The following TIMP2 variants were observed in gnomAD, a reference collection of about 807,000 sequenced individuals.
TIMP2 encodes the protein metalloproteinase inhibitor 2.
Under a neutral mutation model 24.3 loss-of-function variants are expected in TIMP2, and 5 were observed. The ratio of observed to expected loss-of-function variants is 0.21; its 90% confidence interval spans 0.11 to 0.43. The LOEUF is 0.43. Among genes scored for constraint, TIMP2 ranks in the 20% least tolerant of loss-of-function variants. The probability of loss-of-function intolerance (pLI) is 1.00; values close to 1 mark genes in which losing one functional copy is unlikely to be tolerated. For missense variants in TIMP2, 221 were observed against 297.5 expected (o/e 0.74, Z 1.89); for synonymous variants, 130 against 123.2 (o/e 1.06, Z -0.37).
In TIMP2 at chr17:78,891,121, C is replaced by T; in HGVS notation, c.131-17202G>A. The stretch of plus-strand genomic sequence containing the variant: ...ATTCAGTGCTATACAATAATGAGTC[C>T]TCTTTGTTGATAAATATACCTGCCT... On this transcript the variant is annotated intron_variant, in intron 1 of 4. Coordinates refer to ENST00000262768, the MANE Select transcript of TIMP2 (RefSeq NM_003255.5). The surrounding 1 kb of genome is among the most constrained non-coding windows in gnomAD (Gnocchi z 4.5). 1 of 1,550,736 alleles carries T rather than the reference C, an allele frequency of 6.4e-7. No homozygotes were observed.
chr17:78,914,199 A>G (rs1161966341), intron 1 of TIMP2, among the ~76,000 whole-genome samples: 1 of 152,044 alleles, frequency 6.6e-6, no homozygotes, highest in Non-Finnish European at 1.5e-5. Flanking sequence ...TTATAACCCA[A>G]TGTTTTATTG....
At chr17:78,879,194 G>A (rs1011849807) in intron 1 of TIMP2, among the ~76,000 whole-genome samples, 4 of 152,260 alleles carry the variant, frequency 2.6e-5, no homozygotes, top group Non-Finnish European at 4.4e-5. Context: ...GATGACAGAC[G>A]ATGGATAGGA....
At chr17:78,881,693 A>T (rs1477967450) in intron 1 of TIMP2, among the ~76,000 whole-genome samples, 1 of 151,860 alleles carries the variant, frequency 6.6e-6, no homozygotes, top group Non-Finnish European at 1.5e-5. Context: ...ACCTCCACTT[A>T]CTCCTGGGGA....
Position 78,855,002 on chromosome 17 carries a change from C to T in TIMP2, c.*665G>A, listed in dbSNP as rs2069514124. Reference sequence around the variant, plus strand: ...AACGCAGCTCAGCTGGGGTTTCTCGCTCCCATTTCTACAAGGCTCAGAGGG... The same window carrying T: ...AACGCAGCTCAGCTGGGGTTTCTCGTTCCCATTTCTACAAGGCTCAGAGGG... On this transcript the variant is annotated 3_prime_UTR_variant, in exon 5 of 5. Coordinates refer to ENST00000262768, the MANE Select transcript of TIMP2 (RefSeq NM_003255.5). The surrounding 1 kb of genome is among the most constrained non-coding windows in gnomAD (Gnocchi z 6.0). 1 of 152,036 alleles carries T rather than the reference C, an allele frequency of 6.6e-6. No homozygotes were observed. The highest frequency in any genetic ancestry group is 1.9e-4 in the East Asian group (1 of 5,142). The allele number at this position is 152,036 out of a possible 1,614,324, so 9.4% of individuals were successfully genotyped here.
Position 78,925,100 on chromosome 17 carries a change from G to A in TIMP2, c.-12C>T, listed in dbSNP as rs2145801174. 2.1e-6 allele frequency: 2 copies of A among 949,122 alleles called. No homozygotes were observed. Among genetic ancestry groups the A allele is most frequent in the South Asian group, 9.4e-5 (2 of 21,230 alleles). The allele number at this position is 949,122 out of a possible 1,614,324, so 58.8% of individuals were successfully genotyped here. A position where few individuals can be genotyped will look rare whatever the true frequency, so the allele number is the denominator to read the frequency against. On this transcript the variant is annotated 5_prime_UTR_variant, in exon 1 of 5. Coordinates refer to ENST00000262768, the MANE Select transcript of TIMP2 (RefSeq NM_003255.5). Reference sequence around the variant, plus strand: ...GCCGCGGCGCCCATGGCGGGCCGGGGGGCTGGGCGGGCGGGGGCCGCCGCT... The same window carrying A: ...GCCGCGGCGCCCATGGCGGGCCGGGAGGCTGGGCGGGCGGGGGCCGCCGCT...
At chr17:78,913,489 CG>C (rs1203429896) in intron 1 of TIMP2, among the ~76,000 whole-genome samples, 1 of 152,108 alleles carries the variant, frequency 6.6e-6, no homozygotes, top group African/African-American at 2.4e-5. Flanking sequence ...GGTGGGAAGA[CG>C]GCTTGAGCCC....
Position 78,912,760 on chromosome 17 carries a change from G to A in TIMP2, c.130+12199C>T, listed in dbSNP as rs144436658. 5.4e-3 allele frequency among the ~76,000 whole-genome samples: 824 copies of A among 152,304 alleles called. 4 individuals carry two copies. The highest frequency in any genetic ancestry group is 0.017 in the Middle Eastern group (5 of 294). Reference sequence around the variant, plus strand: ...CTGCGATGACTTAGGCTGGGGATCCGAAAAGGTTTCTATGAACAGCCAGCT... The same window carrying A: ...CTGCGATGACTTAGGCTGGGGATCCAAAAAGGTTTCTATGAACAGCCAGCT... On this transcript the variant is annotated intron_variant, in intron 1 of 4. Transcript: ENST00000262768.
chr17:78,885,288 G>A (rs1352817043), intron 1 of TIMP2, among the ~76,000 whole-genome samples: 2 of 152,250 alleles, frequency 1.3e-5, no homozygotes. Context: ...AAGGGTGGGG[G>A]CAGAAGCACC....
intron 3 of TIMP2, among the ~76,000 whole-genome samples, chr17:78,866,673 A>G (rs1186317764): frequency 1.3e-5 from 2 of 152,120 alleles, no homozygotes. Flanking sequence ...GGATAAACAA[A>G]ACGTGGTCTA....
chr17:78,868,923 C>T (rs943437975), intron 3 of TIMP2, among the ~76,000 whole-genome samples: 4 of 152,104 alleles, frequency 2.6e-5, no homozygotes, highest in African/African-American at 9.7e-5. Context: ...GGAGCGGGTG[C>T]TGTGGCATGT....
intron 1 of TIMP2, chr17:78,900,964 C>T (rs1180392265): frequency 3.3e-5 from 5 of 152,408 alleles, no homozygotes; most frequent in Admixed American, 3.3e-4. Context: ...CCAGCCCGAC[C>T]TCACCTGGCC....
chr17:78,856,863 C>A (rs1401081996), intron 4 of TIMP2: 1 of 152,366 alleles, frequency 6.6e-6, no homozygotes, highest in African/African-American at 2.4e-5. Flanking sequence ...TTTGCACTTG[C>A]ACATTTGTAG....
chr17:78,887,229 G>A (rs1427102987), intron 1 of TIMP2, among the ~76,000 whole-genome samples: 2 of 152,142 alleles, frequency 1.3e-5, no homozygotes, highest in Non-Finnish European at 2.9e-5. Flanking sequence ...CGTGCACTTG[G>A]GGTCCCACTG....
intron 1 of TIMP2, chr17:78,892,247 C>G: frequency 6.4e-7 from 1 of 1,550,938 alleles, no homozygotes; most frequent in African/African-American, 1.4e-5. Context: ...GCCTTTGCCC[C>G]GGGCTTGTAG....
At chr17:78,899,081 C>G (rs1025829301) in intron 1 of TIMP2, 3 of 151,910 alleles carry the variant, frequency 2.0e-5, no homozygotes, top group African/African-American at 4.8e-5. Flanking sequence ...TGTGAGCCCC[C>G]ACGCCCGCCA....
chr17:78,907,851 T>C (rs1228246610), intron 1 of TIMP2, among the ~76,000 whole-genome samples: 1 of 152,122 alleles, frequency 6.6e-6, no homozygotes, highest in African/African-American at 2.4e-5. Context: ...CCAAACGTTC[T>C]GGCCAGGTGT....
chr17:78,873,174 C>T (rs1428337175), intron 2 of TIMP2, among the ~76,000 whole-genome samples: 1 of 152,108 alleles, frequency 6.6e-6, no homozygotes, highest in Non-Finnish European at 1.5e-5. Flanking sequence ...CCATATCACA[C>T]GGCTGTCCCT....
rs1027821292 is a variant in TIMP2, at chr17:78,913,989, T to C, written c.130+10970A>G. Among the ~76,000 whole-genome samples, 5 of 151,638 alleles carry C rather than the reference T, an allele frequency of 3.3e-5. No individual in the cohort carries two copies. In the East Asian group the frequency reaches 9.7e-4, roughly 29 times the overall value. Reference sequence around the variant, plus strand: ...AAGTGTCTTTTCCATGATTAACACATATAGTTGTGTAATTATTTTAAAGTT... The same window carrying C: ...AAGTGTCTTTTCCATGATTAACACACATAGTTGTGTAATTATTTTAAAGTT... On this transcript the variant is annotated intron_variant, in intron 1 of 4. Transcript: ENST00000262768.
At position 78,879,335 on chromosome 17, in the gene TIMP2, T is replaced by A. The variant is rs554594745; in HGVS notation, c.131-5416A>T. 2.4e-4 allele frequency among the ~76,000 whole-genome samples: 37 copies of A among 152,092 alleles called. 1 individual carries two copies. Among genetic ancestry groups the A allele is most frequent in the Non-Finnish European group, 3.7e-4 (25 of 67,958 alleles). ...GCTCCAGGATGGACCACCAGTTCTG[T>A]AGGGGAAAGCAGGCCACTTCAAAAG... On this transcript the variant is annotated intron_variant, in intron 1 of 4. Transcript: ENST00000262768.
Sources: allele counts gnomAD v4.1 joint callset (sites outside exome capture counted in the v4.1 genomes callset), GRCh38; gene constraint gnomAD v4.1.1; non-coding constraint Gnocchi (gnomAD v3.1); transcripts MANE v1.5; gene names NCBI Gene and HGNC (gene_info 2026-07-23, HGNC 2026-07-21).